The following NBEA variants were observed in gnomAD, a reference collection of about 807,000 sequenced individuals.
The protein encoded by NBEA is neurobeachin.
In NBEA, 44 loss-of-function variants were observed where a neutral mutation model predicts 343.4. The ratio of observed to expected loss-of-function variants is 0.13; its 90% CI spans 0.10 to 0.16. The LOEUF (loss-of-function observed/expected upper bound fraction) is 0.16, where lower values mean the gene tolerates loss of function less well. NBEA is among the 10% of genes least tolerant of loss of function. The pLI, the probability that NBEA is intolerant of heterozygous loss-of-function variation, is 1.00. For missense variants in NBEA, 2,555 were observed against 3,631.3 expected, an observed-to-expected ratio of 0.70 and a Z score of 7.62; for synonymous variants, 1,175 against 1,238.7, an observed-to-expected ratio of 0.95 and a Z score of 1.08.
At chr13:35,172,425 G>C (rs1344351063) in intron 26 of NBEA, among the ~76,000 whole-genome samples, 1 of 151,836 alleles carries the variant, frequency 6.6e-6, no homozygotes, top group African/African-American at 2.4e-5. Context: ...CATATAACAA[G>C]AGCTGTCAAA....
At chr13:35,667,261 G>C in intron 56 of NBEA, 113 bp from the exon 57 acceptor site, 2 of 840,364 alleles carry the variant, frequency 2.4e-6, no homozygotes, top group Non-Finnish European at 3.8e-6. Flanking sequence ...CCTCTTTCCT[G>C]TCCTCTTCCG....
chr13:35,641,372 G>A (rs1419947201), intron 49 of NBEA, among the ~76,000 whole-genome samples: 3 of 152,112 alleles, frequency 2.0e-5, no homozygotes, highest in African/African-American at 7.2e-5. Context: ...CAAAAGACAT[G>A]TACAAGAATC....
At chr13:35,119,961 A>G (rs1199424551) in intron 16 of NBEA, among the ~76,000 whole-genome samples, 3 of 152,172 alleles carry the variant, frequency 2.0e-5, no homozygotes, top group African/African-American at 4.8e-5. Context: ...AATAATGACA[A>G]TTTCATATAG....
intron 41 of NBEA, among the ~76,000 whole-genome samples, chr13:35,488,046 T>G (rs2076366618): frequency 6.6e-6 from 1 of 151,914 alleles, no homozygotes; most frequent in Admixed American, 6.6e-5. Context: ...AACATATTAT[T>G]ACCGAGGTCC....
intron 38 of NBEA, among the ~76,000 whole-genome samples, chr13:35,353,583 A>G (rs974535983): frequency 9.2e-5 from 14 of 152,194 alleles, no homozygotes; most frequent in Non-Finnish European, 1.8e-4. Flanking sequence ...TGTCTTTAAA[A>G]TAGTCAGCAT....
chr13:35,055,649 C>T (rs1005619885), intron 6 of NBEA, among the ~76,000 whole-genome samples: 1 of 152,094 alleles, frequency 6.6e-6, no homozygotes, highest in Non-Finnish European at 1.5e-5. Flanking sequence ...TTTACTAGCT[C>T]ATAAATTCTA....
chr13:35,009,724 C>A lies in NBEA; in HGVS notation c.295-31209C>A, dbSNP rs184634983. Among the ~76,000 whole-genome samples the A allele has an allele frequency of 3.3e-3, 508 of 152,242 alleles. 1 individual carries two copies. Among genetic ancestry groups the A allele is most frequent in the Admixed American group, 4.3e-3 (66 of 15,286 alleles). On this transcript the variant is annotated intron_variant, in intron 1 of 58. Coordinates refer to ENST00000379939, the MANE Select transcript of NBEA (RefSeq NM_001385012.1). ...GTTAAAACTGGTATTTCGGAATAAA[C>A]CAGATCCTGGGTGGTGAGGGTGGAT...
intron 10 of NBEA, among the ~76,000 whole-genome samples, chr13:35,089,270 A>C (rs1171157218): frequency 7.0e-6 from 1 of 143,672 alleles, no homozygotes; most frequent in African/African-American, 2.6e-5. Context: ...GACACTTCTC[A>C]AAAGAAGACA....
chr13:35,662,355 G>T (rs1280586628), intron 55 of NBEA, among the ~76,000 whole-genome samples: 1 of 152,164 alleles, frequency 6.6e-6, no homozygotes, highest in Non-Finnish European at 1.5e-5. Flanking sequence ...CAGAGGGGCG[G>T]TCCACCTGCA....
At chr13:35,080,514 A>AAATTGGAGG (rs969098786) in intron 10 of NBEA, among the ~76,000 whole-genome samples, 4 of 152,162 alleles carry the variant, frequency 2.6e-5, no homozygotes, top group Admixed American at 6.6e-5. Flanking sequence ...GTCCAAGCTG[A>AAATTGGAGG]AATTGGAGGG....
intron 30 of NBEA, among the ~76,000 whole-genome samples, chr13:35,194,359 T>G (rs1211823461): frequency 6.6e-6 from 1 of 152,098 alleles, no homozygotes; most frequent in Non-Finnish European, 1.5e-5. Flanking sequence ...TAGCCTATTT[T>G]CCTGTTGGGC....
intron 48 of NBEA, among the ~76,000 whole-genome samples, chr13:35,617,024 A>T (rs1195581363): frequency 6.6e-6 from 1 of 152,220 alleles, no homozygotes; most frequent in Non-Finnish European, 1.5e-5. Flanking sequence ...TTCCTCAAAT[A>T]TTTACTCTCG....
intron 36 of NBEA, among the ~76,000 whole-genome samples, chr13:35,312,489 A>G (rs940052951): frequency 6.6e-6 from 1 of 152,206 alleles, no homozygotes; most frequent in African/African-American, 2.4e-5. Context: ...TGCCAGCCAC[A>G]TGGAGGCACA....
chr13:34,981,802 G>C (rs920410581), intron 1 of NBEA, among the ~76,000 whole-genome samples: 4 of 151,492 alleles, frequency 2.6e-5, no homozygotes, highest in African/African-American at 9.7e-5. Flanking sequence ...TCTTGTGTCA[G>C]TAAATTGTGT....
At chr13:34,987,371 T>A (rs1173653125) in intron 1 of NBEA, among the ~76,000 whole-genome samples, 1 of 151,108 alleles carries the variant, frequency 6.6e-6, no homozygotes, top group East Asian at 1.9e-4. Flanking sequence ...CTGCTGTTAG[T>A]CTGATGGGCT....
At chr13:35,054,562 T>C (rs780084048) in intron 6 of NBEA, among the ~76,000 whole-genome samples, 2 of 151,926 alleles carry the variant, frequency 1.3e-5, no homozygotes, top group Non-Finnish European at 2.9e-5. Context: ...ACCTTGCTTT[T>C]ATAGAAGCAC....
intron 49 of NBEA, among the ~76,000 whole-genome samples, chr13:35,643,308 T>C (rs1165923489): frequency 6.6e-6 from 1 of 152,102 alleles, no homozygotes; most frequent in Non-Finnish European, 1.5e-5. Flanking sequence ...CCCTGTGTCC[T>C]GCTCCCTACC....
intron 36 of NBEA, among the ~76,000 whole-genome samples, chr13:35,330,352 G>T (rs974799126): frequency 6.6e-6 from 1 of 151,944 alleles, no homozygotes; most frequent in Non-Finnish European, 1.5e-5. Flanking sequence ...TATTTAAGTG[G>T]CACTTTAGCT....
In NBEA at chr13:35,115,475, A is replaced by G. The variant is rs754839142; in HGVS notation, c.2003-1939A>G. Among the ~76,000 whole-genome samples the G allele has an allele frequency of 3.7e-4, 56 of 151,946 alleles. 2 individuals carry two copies. The highest frequency in any genetic ancestry group is 6.2e-4 in the Non-Finnish European group (42 of 67,902). On this transcript the variant is annotated intron_variant, in intron 13 of 58. Coordinates refer to ENST00000379939, the MANE Select transcript of NBEA (RefSeq NM_001385012.1). ...TGTCATAGAAATAACTCCGTCCCAA[A>G]TTTTACGTTATTTCTTTTCTTTACT...
Sources: allele counts gnomAD v4.1 joint callset (sites outside exome capture counted in the v4.1 genomes callset), GRCh38; gene constraint gnomAD v4.1.1; transcripts MANE v1.5; gene names NCBI Gene and HGNC (gene_info 2026-07-23, HGNC 2026-07-21).